GRK5: variants seen among roughly 807,000 people sequenced by gnomAD.
GRK5 encodes the protein G protein-coupled receptor kinase 5.
A neutral mutation model predicts 78.4 loss-of-function variants in GRK5; 40 were observed. The observed-to-expected ratio is 0.51, with a 90% CI of 0.40 to 0.66. The LOEUF is 0.66. GRK5 is among the 30% of genes least tolerant of loss of function. The pLI, the probability that GRK5 is intolerant of heterozygous loss-of-function variation, is 0.00. For missense variants in GRK5, 598 were observed against 759.9 expected (o/e 0.79, Z 2.50); for synonymous variants, 289 against 296.8 (o/e 0.97, Z 0.27).
At chr10:119,237,872 G>A (rs1450247439) in intron 1 of GRK5, among the ~76,000 whole-genome samples, 1 of 152,066 alleles carries the variant, frequency 6.6e-6, no homozygotes, top group Non-Finnish European at 1.5e-5. Context: ...GTTCTTACAG[G>A]AAAGACTATT....
Position 119,207,807 on chromosome 10 carries a change from C to A in GRK5, c.-111C>A, listed in dbSNP as rs943215400. The A allele has an allele frequency of 5.6e-5, 58 of 1,044,372 alleles. No homozygotes were observed. In the South Asian group the frequency reaches 7.4e-4, roughly 13 times the overall value. 64.7% of individuals were successfully genotyped at this position (1,044,372 alleles called of 1,614,324 possible). ...CGGTAGGCAAGGCGGGCTGCTGGCT[C>A]CCCCGGCTCCGGCAGCAGCGGCGGC... On this transcript the variant is annotated 5_prime_UTR_variant, in exon 1 of 16. Transcript: ENST00000392870.
chr10:119,207,713 CGG>C lies in GRK5; in HGVS notation c.-204_-203del, dbSNP rs2133689690. 4 of 441,034 alleles carry C rather than the reference CGG, an allele frequency of 9.1e-6. No homozygotes were observed. Among genetic ancestry groups the C allele is most frequent in the Non-Finnish European group, 1.6e-5 (4 of 249,648 alleles). 27.3% of individuals were successfully genotyped at this position (441,034 alleles called of 1,614,324 possible). A position where few individuals can be genotyped will look rare whatever the true frequency, so the allele number is the denominator to read the frequency against. On this transcript the variant is annotated 5_prime_UTR_variant, in exon 1 of 16. Coordinates refer to ENST00000392870, the MANE Select transcript of GRK5 (RefSeq NM_005308.3). ...ACACAGAGGGAGGAAGAAGCGGCGGCGGCGGCGGCGGCGGCGGCGGCTCCTCT... is the reference window on the plus strand; with the variant it reads ...ACACAGAGGGAGGAAGAAGCGGCGGCCGGCGGCGGCGGCGGCGGCTCCTCT...
In GRK5 at chr10:119,452,819, C is replaced by A. The variant is rs1267198457; in HGVS notation, c.1542+11C>A. The A allele has an allele frequency of 1.5e-6, 2 of 1,374,016 alleles. No individual in the cohort carries two copies. Among genetic ancestry groups the A allele is most frequent in the Non-Finnish European group, 2.0e-6 (2 of 1,001,996 alleles). The allele number at this position is 1,374,016 out of a possible 1,614,324, so 85.1% of individuals were successfully genotyped here. The stretch of plus-strand genomic sequence containing the variant: ...CCATGGCAAAACGAGGTGAGCAGGG[C>A]AGACCACTTGCTTTGGTCTGGGTGG... On this transcript the variant is annotated intron_variant, in intron 14 of 15. Transcript: ENST00000392870. The surrounding 1 kb of genome is among the most constrained non-coding windows in gnomAD (Gnocchi z 4.4).
At chr10:119,327,155 A>G (rs1009725035) in intron 2 of GRK5, among the ~76,000 whole-genome samples, 6 of 152,136 alleles carry the variant, frequency 3.9e-5, no homozygotes, top group African/African-American at 1.4e-4. Flanking sequence ...TGGGGATGTC[A>G]GTGCTCCTGA....
At chr10:119,288,596 G>A (rs775735368) in intron 1 of GRK5, among the ~76,000 whole-genome samples, 63 of 152,208 alleles carry the variant, frequency 4.1e-4, no homozygotes, top group Non-Finnish European at 4.3e-4. Flanking sequence ...ACCTCACTGT[G>A]TCACTGCTGC....
chr10:119,369,594 C>G (rs1241000138), intron 2 of GRK5, among the ~76,000 whole-genome samples: 1 of 152,170 alleles, frequency 6.6e-6, no homozygotes, highest in Non-Finnish European at 1.5e-5. Flanking sequence ...TGTAAAAACT[C>G]AAAAATATGG....
chr10:119,309,204 C>T (rs1369558014), intron 1 of GRK5, among the ~76,000 whole-genome samples: 1 of 152,232 alleles, frequency 6.6e-6, no homozygotes, highest in Non-Finnish European at 1.5e-5. Context: ...GTTGATTGTG[C>T]CTCCCCTGTG....
chr10:119,383,344 G>A (rs534013910), intron 3 of GRK5, among the ~76,000 whole-genome samples: 5 of 152,304 alleles, frequency 3.3e-5, no homozygotes, highest in Admixed American at 1.3e-4. Flanking sequence ...TTCCATCAGG[G>A]GACATACACC....
rs1030405440 is a variant in GRK5, at chr10:119,459,515, T to TAA, written c.*4451_*4452dup. 4 of 152,346 alleles carry TAA rather than the reference T, an allele frequency of 2.6e-5. No individual in the cohort carries two copies. The highest frequency in any genetic ancestry group is 9.6e-5 in the African/African-American group (4 of 41,586). 9.4% of individuals were successfully genotyped at this position (152,346 alleles called of 1,614,324 possible). On this transcript the variant is annotated 3_prime_UTR_variant, in exon 16 of 16. Coordinates refer to ENST00000392870, the MANE Select transcript of GRK5 (RefSeq NM_005308.3). ...AGAGTTTAGTGGCTTTTGGTGTTGT[T>TAA]AAAATAATAAGAATCCTTCTAGCAT...
chr10:119,434,431 C>T (rs1852881203), intron 8 of GRK5, among the ~76,000 whole-genome samples: 1 of 152,250 alleles, frequency 6.6e-6, no homozygotes, highest in Non-Finnish European at 1.5e-5. Context: ...AATGTGGGTA[C>T]AGGCATTGGG....
chr10:119,287,908 C>A (rs1373586697), intron 1 of GRK5, among the ~76,000 whole-genome samples: 2 of 152,242 alleles, frequency 1.3e-5, no homozygotes, highest in Admixed American at 6.5e-5. Context: ...GGCTTAGATC[C>A]AAACACTTGT....
At chr10:119,450,335 C>T (rs1319551186) in intron 13 of GRK5, among the ~76,000 whole-genome samples, 1 of 152,192 alleles carries the variant, frequency 6.6e-6, no homozygotes, top group Non-Finnish European at 1.5e-5. Context: ...TTCCAGCACA[C>T]TCCAGGTCCC....
chr10:119,215,871 T>C (rs1210539541), intron 1 of GRK5, among the ~76,000 whole-genome samples: 1 of 152,052 alleles, frequency 6.6e-6, no homozygotes, highest in Non-Finnish European at 1.5e-5. Flanking sequence ...ACAGAAAGAA[T>C]AGAAAGAAAC....
At chr10:119,442,152 GC>G in intron 11 of GRK5, 64 bp downstream of exon 11, 3 of 1,312,274 alleles carry the variant, frequency 2.3e-6, no homozygotes, top group Non-Finnish European at 3.3e-6. Flanking sequence ...CGCCGGCCGA[GC>G]CCCCAGAGCC....
chr10:119,373,894 A>G (rs1341761393), intron 2 of GRK5, among the ~76,000 whole-genome samples: 2 of 152,162 alleles, frequency 1.3e-5, no homozygotes, highest in Non-Finnish European at 2.9e-5. Flanking sequence ...TAGTCTGCGG[A>G]GGCTTTCACT....
At chr10:119,382,461 G>A (rs1851728279) in intron 3 of GRK5, among the ~76,000 whole-genome samples, 1 of 152,136 alleles carries the variant, frequency 6.6e-6, no homozygotes, top group African/African-American at 2.4e-5. Context: ...AAAGTCGACA[G>A]AATAGTGTAA....
chr10:119,280,362 A>G (rs1849742777), intron 1 of GRK5, among the ~76,000 whole-genome samples: 1 of 152,168 alleles, frequency 6.6e-6, no homozygotes, highest in Non-Finnish European at 1.5e-5. Flanking sequence ...AAGCTCACAA[A>G]TGGAGTTTTT....
chr10:119,438,653 C>A (rs948284074), intron 9 of GRK5, among the ~76,000 whole-genome samples: 9 of 152,190 alleles, frequency 5.9e-5, no homozygotes, highest in Non-Finnish European at 1.2e-4. Context: ...GGAAAGAGAA[C>A]CACAGTGCCT....
chr10:119,402,623 C>T lies in GRK5; in HGVS notation c.339+5851C>T, dbSNP rs551818745. 6.6e-5 allele frequency among the ~76,000 whole-genome samples: 10 copies of T among 152,252 alleles called. No individual in the cohort carries two copies. In the South Asian group the frequency reaches 2.1e-3, roughly 32 times the overall value. ...ATCCCAGCACTTTGGGAGGCTGAGG[C>T]AGGCGGATCACCTGAGGTCAGGGGT... On this transcript the variant is annotated intron_variant, in intron 4 of 15. Coordinates refer to ENST00000392870, the MANE Select transcript of GRK5 (RefSeq NM_005308.3).
Sources: allele counts gnomAD v4.1 joint callset (sites outside exome capture counted in the v4.1 genomes callset), GRCh38; gene constraint gnomAD v4.1.1; non-coding constraint Gnocchi (gnomAD v3.1); transcripts MANE v1.5; gene names NCBI Gene and HGNC (gene_info 2026-07-23, HGNC 2026-07-21).